FGF13: variants seen among roughly 807,000 people sequenced by gnomAD.
FGF13 encodes the protein fibroblast growth factor 13.
FGF13 carries 2 observed loss-of-function variants against 19.5 expected under a neutral mutation model. The ratio of observed to expected loss-of-function variants is 0.10; its 90% CI spans 0.04 to 0.32. The LOEUF (loss-of-function observed/expected upper bound fraction) is 0.32, where lower values mean the gene tolerates loss of function less well. Ranked by LOEUF, FGF13 falls within the 10% of genes least tolerant of loss-of-function variation. The pLI is 1.00. For synonymous variants in FGF13, 72 were observed against 76.9 expected (o/e 0.94, Z 0.33); for missense variants, 113 against 192.7 (o/e 0.59, Z 2.45).
At chrX:138,805,989 T>C (rs953474217) in intron 3 of FGF13, among the ~76,000 whole-genome samples, 1 of 111,691 alleles carries the variant, frequency 9.0e-6, no homozygotes. Context: ...GGATGAAGCA[T>C]GGCACTTGAC....
At chrX:138,954,095 C>CGAGAGAGAGA (rs199755534) in intron 1 of FGF13, among the ~76,000 whole-genome samples, 3,534 of 94,016 alleles carry the variant, frequency 0.038, 77 homozygotes, top group East Asian at 0.095. Flanking sequence ...GTAAATTTAA[C>CGAGAGAGAGA]GAGAGAGAGA....
At chrX:138,822,062 A>AAAGATC (rs1216426450) in intron 3 of FGF13, among the ~76,000 whole-genome samples, 3 of 111,523 alleles carry the variant, frequency 2.7e-5, no homozygotes, top group Non-Finnish European at 5.7e-5. Context: ...AAGTGACCTA[A>AAAGATC]AAGATCAAGA....
chrX:138,936,586 A>G lies in FGF13; in HGVS notation c.-112-71936T>C, dbSNP rs764412561. ...GGAGCTGAGTTCCTTGACAGCAGGG[A>G]CCTGATGTCATTCACCTGTGTACCC... On this transcript the variant is annotated intron_variant, in intron 1 of 2. Transcript: ENST00000421460. Among the ~76,000 whole-genome samples, 18 of 112,127 alleles carry G rather than the reference A, an allele frequency of 1.6e-4. No homozygotes were observed. The South Asian group carries it at 6.7e-3, about 42-fold the overall frequency.
chrX:139,098,411 C>T (rs965911848), intron 1 of FGF13, among the ~76,000 whole-genome samples: 4 of 111,642 alleles, frequency 3.6e-5, no homozygotes, highest in African/African-American at 1.3e-4. Flanking sequence ...ACCAAAAAGA[C>T]ACATGCACTT....
At chrX:138,753,034 C>A (rs2090408544) in intron 3 of FGF13, among the ~76,000 whole-genome samples, 1 of 111,574 alleles carries the variant, frequency 9.0e-6, no homozygotes, top group African/African-American at 3.3e-5. Context: ...TCAATTTTTG[C>A]ACACTCCCTA....
At chrX:138,893,327 G>A (rs1022239888) in intron 1 of FGF13, among the ~76,000 whole-genome samples, 5 of 111,477 alleles carry the variant, frequency 4.5e-5, no homozygotes, top group African/African-American at 1.6e-4. Flanking sequence ...TTGTCCTTGC[G>A]CTTATAATTT....
intron 1 of FGF13, among the ~76,000 whole-genome samples, chrX:138,881,455 C>T (rs1010068739): frequency 4.5e-5 from 5 of 111,819 alleles, no homozygotes; most frequent in Admixed American, 9.5e-5. Flanking sequence ...CCCTTCTCTT[C>T]TATGTTATGG....
At chrX:139,065,282 A>G (rs1347149623) in intron 1 of FGF13, among the ~76,000 whole-genome samples, 1 of 110,517 alleles carries the variant, frequency 9.0e-6, no homozygotes, top group East Asian at 2.9e-4. Context: ...TCATAATGAC[A>G]GGATCAAATT....
intron 1 of FGF13, among the ~76,000 whole-genome samples, chrX:139,078,385 A>C (rs2083346495): frequency 9.0e-6 from 1 of 111,279 alleles, no homozygotes; most frequent in Non-Finnish European, 1.9e-5. Flanking sequence ...AGTGCTCACT[A>C]AGCCTGATAG....
chrX:138,653,756 C>T (rs997251326), intron 3 of FGF13, among the ~76,000 whole-genome samples: 4 of 111,550 alleles, frequency 3.6e-5, no homozygotes, highest in Non-Finnish European at 7.5e-5. Flanking sequence ...AGACTAGATA[C>T]TGGACTCAAA....
intron 2 of FGF13, among the ~76,000 whole-genome samples, chrX:138,858,591 A>G (rs1480204124): frequency 3.6e-5 from 4 of 111,188 alleles, no homozygotes; most frequent in African/African-American, 6.6e-5. Flanking sequence ...ACCCTTCCCA[A>G]TGAGGCCATT....
At chrX:138,912,499 T>G (rs2091593203) in intron 1 of FGF13, among the ~76,000 whole-genome samples, 1 of 111,615 alleles carries the variant, frequency 9.0e-6, no homozygotes, top group African/African-American at 3.3e-5. Context: ...AAAATGCTAC[T>G]GAATTAGAGT....
At chrX:138,793,022 A>T (rs926972756) in intron 3 of FGF13, among the ~76,000 whole-genome samples, 3 of 111,758 alleles carry the variant, frequency 2.7e-5, no homozygotes, top group African/African-American at 9.8e-5. Flanking sequence ...AGGAAGGCAT[A>T]GGAATACTTA....
chrX:138,694,290 G>T (rs1294333766), intron 3 of FGF13, among the ~76,000 whole-genome samples: 1 of 111,092 alleles, frequency 9.0e-6, no homozygotes, highest in Non-Finnish European at 1.9e-5. Context: ...TATCAGAATC[G>T]ATTTTATTGC....
At chrX:138,942,923 CA>C (rs2091765593) in intron 1 of FGF13, among the ~76,000 whole-genome samples, 1 of 111,196 alleles carries the variant, frequency 9.0e-6, no homozygotes, top group African/African-American at 3.3e-5. Context: ...AGGCCATTTA[CA>C]AGACCGAAAA....
intron 1 of FGF13, among the ~76,000 whole-genome samples, chrX:138,901,898 C>G (rs1453925838): frequency 8.9e-6 from 1 of 112,011 alleles, no homozygotes; most frequent in Non-Finnish European, 1.9e-5. Flanking sequence ...TTTAAATAAA[C>G]ACTAACTGTA....
At chrX:138,850,027 C>G (rs2091211856) in intron 3 of FGF13, among the ~76,000 whole-genome samples, 1 of 110,990 alleles carries the variant, frequency 9.0e-6, no homozygotes, top group African/African-American at 3.3e-5. Context: ...AAGAGAGTTA[C>G]AAAGGAGAAA....
rs779054344 is a variant in FGF13 at position 138,886,433 on chromosome X, C to T, written c.-112-21783G>A. ...TTTGAATCTGGAATGAAAAAGAAAT[C>T]CTAGTATTTTGAAAAGCCAAATGTT... On this transcript the variant is annotated intron_variant, in intron 1 of 2. Coordinates refer to the FGF13 transcript ENST00000421460. Among the ~76,000 whole-genome samples the T allele has an allele frequency of 3.6e-5, 4 of 112,085 alleles. No individual in the cohort carries two copies. In the Admixed American group the frequency reaches 3.8e-4, roughly 11 times the overall value.
upstream of FGF13, among the ~76,000 whole-genome samples, chrX:139,203,898 C>G (rs1462111532): frequency 8.9e-6 from 1 of 111,841 alleles, no homozygotes; most frequent in Non-Finnish European, 1.9e-5. Flanking sequence ...TAGATCCACC[C>G]CCTAGCGACC....
Sources: gnomAD v4.1 joint callset for allele counts (sites outside exome capture counted in the v4.1 genomes callset) on GRCh38, gnomAD v4.1.1 for gene constraint, MANE v1.5 for transcripts, NCBI Gene and HGNC (gene_info 2026-07-23, HGNC 2026-07-21) for gene names.